Variants in NFIX observed in about 807,000 individuals in gnomAD.
NFIX encodes the protein nuclear factor 1 X-type.
NFIX carries 2 observed loss-of-function variants against 53.3 expected under a neutral mutation model. The ratio of observed to expected loss-of-function variants is 0.04; its 90% CI spans 0.02 to 0.12. NFIX has a LOEUF of 0.12. NFIX is among the 10% of genes least tolerant of loss of function. NFIX has a pLI of 1.00. For synonymous variants in NFIX, 244 were observed against 289.0 expected (o/e 0.84, Z 1.58); for missense variants, 310 against 674.5 (o/e 0.46, Z 5.99).
rs1489043547 is a variant in NFIX, at chr19:13,040,076, G to A, written c.559+14524G>A. On this transcript the variant is annotated intron_variant, in intron 2 of 10. Coordinates refer to ENST00000592199, the MANE Select transcript of NFIX (RefSeq NM_001365902.3). This position sits in a 1 kb window ranked among gnomAD's most constrained non-coding sequence, Gnocchi z 4.2. Reference sequence around the variant, plus strand: ...TGTGGCAGGCAAGTGAGAAGCTGTGGGTTAATGGGTTCAAAGAGACTTGGT... The same window carrying A: ...TGTGGCAGGCAAGTGAGAAGCTGTGAGTTAATGGGTTCAAAGAGACTTGGT... 6.6e-6 allele frequency among the ~76,000 whole-genome samples: 1 copy of A among 152,106 alleles called. No individual in the cohort carries two copies. The highest frequency in any genetic ancestry group is 1.5e-5 in the Non-Finnish European group (1 of 68,014).
chr19:13,068,546 C>A lies in NFIX; in HGVS notation c.560-4501C>A, dbSNP rs1188307221. Among the ~76,000 whole-genome samples, 1 of 152,216 alleles carries A rather than the reference C, an allele frequency of 6.6e-6. No homozygotes were observed. The highest frequency in any genetic ancestry group is 1.5e-5 in the Non-Finnish European group (1 of 68,034). On this transcript the variant is annotated intron_variant, in intron 2 of 10. Coordinates refer to ENST00000592199, the MANE Select transcript of NFIX (RefSeq NM_001365902.3). This position sits in a 1 kb window ranked among gnomAD's most constrained non-coding sequence, Gnocchi z 4.2. ...GGCCCAGAGTGGCCACTTGGCTCAG[C>A]CTGGCTCTGGTCTGGGCACTGCCAG...
rs898354588 is a variant in NFIX at position 13,040,769 on chromosome 19, C to T, written c.559+15217C>T. On this transcript the variant is annotated intron_variant, in intron 2 of 10. Transcript: ENST00000592199. The surrounding 1 kb of genome is among the most constrained non-coding windows in gnomAD (Gnocchi z 4.2). ...GGGAGGTTTGTCTTTCACACACTCG[C>T]GCACACACACAGCCACTTCTCGAAG... is the stretch of plus-strand genomic sequence containing the variant. Among the ~76,000 whole-genome samples, 2 of 152,158 alleles carry T rather than the reference C, an allele frequency of 1.3e-5. No individual in the cohort carries two copies. The highest frequency in any genetic ancestry group is 4.8e-5 in the African/African-American group (2 of 41,422).
rs2013454827 is a variant in NFIX, at chr19:13,027,440, AG to A, written c.559+1890del. On this transcript the variant is annotated intron_variant, in intron 2 of 10. Coordinates refer to ENST00000592199, the MANE Select transcript of NFIX (RefSeq NM_001365902.3). The surrounding 1 kb of genome is among the most constrained non-coding windows in gnomAD (Gnocchi z 4.3). ...TTGGAGGTGACTGGTGGCTTGCAGA[AG>A]GCTCGGAGCCTCGAGCTTACCAGTG... Among the ~76,000 whole-genome samples, 1 of 152,156 alleles carries A rather than the reference AG, an allele frequency of 6.6e-6. No individual in the cohort carries two copies. Among genetic ancestry groups the A allele is most frequent in the Admixed American group, 6.5e-5 (1 of 15,278 alleles).
rs1025812322 is a variant in NFIX at position 13,088,220 on chromosome 19, C to A, written c.1402+84C>A. On this transcript the variant is annotated intron_variant, in intron 9 of 10. Coordinates refer to ENST00000592199, the MANE Select transcript of NFIX (RefSeq NM_001365902.3). The surrounding 1 kb of genome is among the most constrained non-coding windows in gnomAD (Gnocchi z 5.9). ...TCTCCACTGCAAAAAGAAAAGCCTT[C>A]CCCCTCCCCACCACCAAAGCCCCCC... is the stretch of plus-strand genomic sequence containing the variant. 1.1e-5 allele frequency: 16 copies of A among 1,469,596 alleles called. No homozygotes were observed. The highest frequency in any genetic ancestry group is 2.8e-5 in the African/African-American group (2 of 71,056). The allele number at this position is 1,469,596 out of a possible 1,614,324, so 91.0% of individuals were successfully genotyped here.
chr19:13,083,823 C>T (rs1428886916), intron 8 of NFIX, among the ~76,000 whole-genome samples: 2 of 152,236 alleles, frequency 1.3e-5, no homozygotes, highest in Non-Finnish European at 2.9e-5. Context: ...CTGTGCTACA[C>T]AAGAGGCTGA....
Position 13,014,358 on chromosome 19 carries a change from C to G in NFIX, c.28-10663C>G, listed in dbSNP as rs1333360339. On this transcript the variant is annotated intron_variant, in intron 1 of 10. Coordinates refer to ENST00000592199, the MANE Select transcript of NFIX (RefSeq NM_001365902.3). This position sits in a 1 kb window ranked among gnomAD's most constrained non-coding sequence, Gnocchi z 4.4. ...GCCCTGACCCACTGCCTGGTTTGCG[C>G]TAGAGCCGTTTAAAAAAGAAAGAAA... 1 of 152,228 alleles carries G rather than the reference C, an allele frequency of 6.6e-6. No individual in the cohort carries two copies. The highest frequency in any genetic ancestry group is 6.5e-5 in the Admixed American group (1 of 15,284). 9.4% of individuals were successfully genotyped at this position (152,228 alleles called of 1,614,324 possible). A position where few individuals can be genotyped will look rare whatever the true frequency, so the allele number is the denominator to read the frequency against.
chr19:13,086,920 A>G (rs968735129), intron 8 of NFIX, among the ~76,000 whole-genome samples: 3 of 152,208 alleles, frequency 2.0e-5, no homozygotes, highest in African/African-American at 7.2e-5. Flanking sequence ...GCTCACCGAT[A>G]GGAGGAGGAG....
At chr19:13,054,927 TC>T (rs1308236157) in intron 2 of NFIX, among the ~76,000 whole-genome samples, 1 of 151,892 alleles carries the variant, frequency 6.6e-6, no homozygotes, top group Non-Finnish European at 1.5e-5. Context: ...TGGGGGGTTT[TC>T]CCCCCCTCTT....
At chr19:13,087,053 T>C (rs1299546092) in intron 8 of NFIX, among the ~76,000 whole-genome samples, 1 of 152,166 alleles carries the variant, frequency 6.6e-6, no homozygotes, top group Non-Finnish European at 1.5e-5. Context: ...CACGCTGCAG[T>C]GGTCATCAGG....
rs892097245 is a variant in NFIX at position 13,001,591 on chromosome 19, G to A, written c.27+5727G>A. ...GTTTTTCTGGGTGTCTGTGCGTCACGGCAAAGAGTGTATCCGTGTGTCTCA... is the reference window on the plus strand; with the variant it reads ...GTTTTTCTGGGTGTCTGTGCGTCACAGCAAAGAGTGTATCCGTGTGTCTCA... On this transcript the variant is annotated intron_variant, in intron 1 of 10. Transcript: ENST00000592199. The surrounding 1 kb of genome is among the most constrained non-coding windows in gnomAD (Gnocchi z 6.5). Among the ~76,000 whole-genome samples, 9 of 152,312 alleles carry A rather than the reference G, an allele frequency of 5.9e-5. No individual in the cohort carries two copies. Among genetic ancestry groups the A allele is most frequent in the African/African-American group, 2.2e-4 (9 of 41,572 alleles).
rs2011462403 is a variant in NFIX, at chr19:12,996,188, G to A, written c.27+324G>A. On this transcript the variant is annotated intron_variant, in intron 1 of 10. Transcript: ENST00000592199. The surrounding 1 kb of genome is among the most constrained non-coding windows in gnomAD (Gnocchi z 5.2). ...GTGTGTGTGCGCGCTCGACTGGGGT[G>A]CGATGGGCAGCGGGACTCCGGCTGA... Among the ~76,000 whole-genome samples the A allele has an allele frequency of 6.6e-6, 1 of 151,898 alleles. No homozygotes were observed. The highest frequency in any genetic ancestry group is 1.5e-5 in the Non-Finnish European group (1 of 67,932).
intron 2 of NFIX, among the ~76,000 whole-genome samples, chr19:13,039,860 G>C (rs60496631): frequency 0.012 from 1,897 of 152,268 alleles, 38 homozygotes; most frequent in African/African-American, 0.044. Flanking sequence ...ATTACCTTCA[G>C]ATGGGAAGCA....
Position 13,073,784 on chromosome 19 carries a change from C to A in NFIX, c.698-122C>A. The A allele has an allele frequency of 7.4e-7, 1 of 1,351,046 alleles. No individual in the cohort carries two copies. The highest frequency in any genetic ancestry group is 1.3e-5 in the South Asian group (1 of 76,388). 83.7% of individuals were successfully genotyped at this position (1,351,046 alleles called of 1,614,324 possible). A position where few individuals can be genotyped will look rare whatever the true frequency, so the allele number is the denominator to read the frequency against. On this transcript the variant is annotated intron_variant, in intron 4 of 10. Transcript: ENST00000592199. The surrounding 1 kb of genome is among the most constrained non-coding windows in gnomAD (Gnocchi z 4.5). Reference sequence around the variant, plus strand: ...CAGCAGCCCAGATGGCCCACTTTCTCCCATCTCCTGGCCCCACAGTAAACT... The same window carrying A: ...CAGCAGCCCAGATGGCCCACTTTCTACCATCTCCTGGCCCCACAGTAAACT...
intron 2 of NFIX, among the ~76,000 whole-genome samples, chr19:13,053,384 T>G (rs1055510370): frequency 3.9e-5 from 6 of 152,170 alleles, no homozygotes; most frequent in Non-Finnish European, 5.9e-5. Context: ...TTTTTTAAGT[T>G]TCCCAAACTT....
intron 2 of NFIX, among the ~76,000 whole-genome samples, chr19:13,032,514 CT>C (rs1382213360): frequency 6.6e-6 from 1 of 152,146 alleles, no homozygotes; most frequent in Non-Finnish European, 1.5e-5. Flanking sequence ...TGAACTTTGA[CT>C]TTGTTATTTT....
intron 2 of NFIX, among the ~76,000 whole-genome samples, chr19:13,059,431 G>T (rs1181584986): frequency 6.6e-6 from 1 of 152,240 alleles, no homozygotes; most frequent in East Asian, 1.9e-4. Context: ...CTGGGAGCTA[G>T]TGGGAGGTTA....
chr19:13,033,739 C>T (rs891089166), intron 2 of NFIX, among the ~76,000 whole-genome samples: 2 of 152,230 alleles, frequency 1.3e-5, no homozygotes, highest in African/African-American at 4.8e-5. Flanking sequence ...TAGTTTTAAG[C>T]CTGTGCTCCT....
At position 13,043,564 on chromosome 19, in the gene NFIX, A is replaced by G. The variant is rs2014782978; in HGVS notation, c.559+18012A>G. Among the ~76,000 whole-genome samples, 1 of 152,190 alleles carries G rather than the reference A, an allele frequency of 6.6e-6. No homozygotes were observed. Among genetic ancestry groups the G allele is most frequent in the African/African-American group, 2.4e-5 (1 of 41,444 alleles). ...GCCCCTGGGGCTGCCAAGGTCGCAC[A>G]TGTCCTCCCAGGACTTGAAGGGGGA... On this transcript the variant is annotated intron_variant, in intron 2 of 10. Transcript: ENST00000592199. This position sits in a 1 kb window ranked among gnomAD's most constrained non-coding sequence, Gnocchi z 4.0.
intron 1 of NFIX, chr19:13,023,937 T>TCCCCCCCCCCCC: frequency 4.0e-6 from 1 of 247,758 alleles, no homozygotes; most frequent in Non-Finnish European, 7.5e-6. Context: ...CTGCTCCTCC[T>TCCCCCCCCCCCC]CCTCCCCCCT....
Sources: gnomAD v4.1 joint callset for allele counts (sites outside exome capture counted in the v4.1 genomes callset) on GRCh38, gnomAD v4.1.1 for gene constraint, Gnocchi (gnomAD v3.1) non-coding constraint, MANE v1.5 for transcripts, NCBI Gene and HGNC (gene_info 2026-07-23, HGNC 2026-07-21) for gene names.